The following MARCHF10 variants were observed in gnomAD, a reference collection of about 807,000 sequenced individuals.
MARCHF10 encodes membrane associated ring-CH-type finger 10, also known as probable E3 ubiquitin-protein ligase MARCHF10.
A neutral mutation model predicts 76.2 loss-of-function variants in MARCHF10; 64 were observed. The ratio of observed to expected loss-of-function variants is 0.84; its 90% CI spans 0.69 to 1.03. The LOEUF (loss-of-function observed/expected upper bound fraction) is 1.03, where lower values mean the gene tolerates loss of function less well. MARCHF10 is among the 50% of genes least tolerant of loss of function. The probability of loss-of-function intolerance (pLI) is 0.00; values close to 1 mark genes in which losing one functional copy is unlikely to be tolerated. For missense variants in MARCHF10, 875 were observed against 958.0 expected (o/e 0.91, Z 1.14); for synonymous variants, 340 against 357.5 (o/e 0.95, Z 0.55).
chr17:62,773,562 G>C (rs933859017), intron 3 of MARCHF10, among the ~76,000 whole-genome samples: 10 of 152,174 alleles, frequency 6.6e-5, no homozygotes, highest in Non-Finnish European at 1.5e-4. Flanking sequence ...AGAGATCTCA[G>C]ATCACAATTA....
Position 62,780,611 on chromosome 17 carries a change from C to T in MARCHF10, c.210+7869G>A, listed in dbSNP as rs140963622. On this transcript the variant is annotated intron_variant, in intron 3 of 10. Coordinates refer to ENST00000311269, the MANE Select transcript of MARCHF10 (RefSeq NM_152598.4). ...ACCTGGAATCTAAATATTTAGCACT[C>T]GGTTGCCACCAGTGAAAGGACTAGA... is the stretch of plus-strand genomic sequence containing the variant. Among the ~76,000 whole-genome samples, 919 of 152,280 alleles carry T rather than the reference C, an allele frequency of 6.0e-3. 5 individuals are homozygous for T. Among genetic ancestry groups the T allele is most frequent in the Middle Eastern group, 0.024 (7 of 294 alleles).
At chr17:62,759,737 C>T (rs2092143426) in intron 4 of MARCHF10, 98 bp downstream of exon 4, 1 of 1,268,374 alleles carries the variant, frequency 7.9e-7, no homozygotes, top group Non-Finnish European at 1.1e-6. Flanking sequence ...TCTCAAAGTG[C>T]TGGGATTACA....
chr17:62,750,085 C>T (rs1006741246), intron 4 of MARCHF10: 9 of 153,134 alleles, frequency 5.9e-5, no homozygotes, highest in African/African-American at 1.9e-4. Context: ...AACACCACGC[C>T]GCCTGGTATT....
At chr17:62,744,088 C>T (rs1156691206) in intron 5 of MARCHF10, among the ~76,000 whole-genome samples, 1 of 152,128 alleles carries the variant, frequency 6.6e-6, no homozygotes, top group African/African-American at 2.4e-5. Context: ...AGCAGCTGTA[C>T]AGCTGGTGTC....
At position 62,744,396 on chromosome 17, in the gene MARCHF10, AC is replaced by A; in HGVS notation, c.514del (p.Val172CysfsTer10). 1 of 1,613,956 alleles carries A rather than the reference AC, an allele frequency of 6.2e-7. No homozygotes were observed. Among genetic ancestry groups the A allele is most frequent in the Non-Finnish European group, 8.5e-7 (1 of 1,179,986 alleles). On this transcript the variant is annotated frameshift_variant, in exon 5 of 11. Transcript: ENST00000311269. LOFTEE classifies it high-confidence loss of function. ...CTTACCTGCTCCCCTGGGAACCGGC[AC>A]CTTTGCAGGCCACTGCTGTTTCTGT... ...SRQKQQWPAK[V>X]PVPRGADQVV...
chr17:62,739,746 G>A (rs1364998209), intron 5 of MARCHF10, among the ~76,000 whole-genome samples: 1 of 152,112 alleles, frequency 6.6e-6, no homozygotes, highest in Non-Finnish European at 1.5e-5. Context: ...CGCTGGAACC[G>A]GAATCTTCCG....
intron 7 of MARCHF10, 125 bp downstream of exon 7, chr17:62,724,813 C>T (rs572146628): frequency 2.3e-5 from 23 of 988,088 alleles, no homozygotes; most frequent in African/African-American, 3.4e-5. Flanking sequence ...AGCTCAGCCA[C>T]GTGTCCCTGA....
intron 4 of MARCHF10, among the ~76,000 whole-genome samples, chr17:62,748,393 G>A (rs1270992208): frequency 6.8e-6 from 1 of 146,814 alleles, no homozygotes; most frequent in Non-Finnish European, 1.5e-5. Flanking sequence ...GACAGTGCAA[G>A]GCTCCATCTC....
chr17:62,718,058 G>A (rs921464013), intron 8 of MARCHF10, among the ~76,000 whole-genome samples: 8 of 152,318 alleles, frequency 5.3e-5, no homozygotes, highest in South Asian at 4.1e-4. Flanking sequence ...CTCTGTGGCT[G>A]TAATCTGACA....
rs891701478 is a variant in MARCHF10, at chr17:62,738,099, C to CACACAA, written c.536-768_536-767insTTGTGT. Among the ~76,000 whole-genome samples the CACACAA allele has an allele frequency of 6.6e-6, 1 of 151,142 alleles. No homozygotes were observed. The highest frequency in any genetic ancestry group is 1.5e-5 in the Non-Finnish European group (1 of 67,776). ...ACACACACACACACACACACACACA[C>CACACAA]AACTTAAGCCTCACAACCCTGTGAA... On this transcript the variant is annotated intron_variant, in intron 5 of 10. Coordinates refer to ENST00000311269, the MANE Select transcript of MARCHF10 (RefSeq NM_152598.4). This position sits in a 1 kb window ranked among gnomAD's most constrained non-coding sequence, Gnocchi z 4.0.
intron 10 of MARCHF10, chr17:62,705,302 G>T (rs2089508541): frequency 1.4e-6 from 2 of 1,448,688 alleles, no homozygotes; most frequent in East Asian, 5.1e-5. Flanking sequence ...TCCCTTTGTT[G>T]GCGCCTTTCC....
chr17:62,701,634 G>GGAGT lies in MARCHF10; in HGVS notation c.*68_*69insACTC, dbSNP rs1220647168. On this transcript the variant is annotated 3_prime_UTR_variant, in exon 11 of 11. Transcript: ENST00000311269. ...TCAGTAAAGAGGAGGAGGGAGGGAG[G>GGAGT]CACTTGGGGACGTAGAAAGAAGGGC... The GGAGT allele has an allele frequency of 3.1e-6, 5 of 1,611,472 alleles. No homozygotes were observed. The highest frequency in any genetic ancestry group is 4.2e-6 in the Non-Finnish European group (5 of 1,179,338).
rs1415042910 is a variant in MARCHF10 at position 62,737,975 on chromosome 17, G to GC, written c.536-644dup. The GC allele has an allele frequency of 2.6e-5, 4 of 152,132 alleles. No homozygotes were observed. In the East Asian group the frequency reaches 7.7e-4, roughly 29 times the overall value. The allele number at this position is 152,132 out of a possible 1,614,324, so 9.4% of individuals were successfully genotyped here. The stretch of plus-strand genomic sequence containing the variant: ...CAGGTCAATTCTGTAACTTCTGGCT[G>GC]CCCTAGAATCCCTACTATGAATTCC... On this transcript the variant is annotated intron_variant, in intron 5 of 10. Coordinates refer to ENST00000311269, the MANE Select transcript of MARCHF10 (RefSeq NM_152598.4).
intron 5 of MARCHF10, among the ~76,000 whole-genome samples, chr17:62,744,046 C>A (rs1021663846): frequency 1.3e-5 from 2 of 152,106 alleles, no homozygotes; most frequent in Non-Finnish European, 2.9e-5. Context: ...ATCTACCACC[C>A]AAATGCCATC....
intron 4 of MARCHF10, chr17:62,750,075 A>G (rs2091844296): frequency 6.6e-6 from 1 of 152,566 alleles, no homozygotes; most frequent in Admixed American, 6.5e-5. Context: ...TGCTCCCCCG[A>G]ACACCACGCC....
chr17:62,794,623 T>A (rs932110947), intron 2 of MARCHF10, among the ~76,000 whole-genome samples: 1 of 152,202 alleles, frequency 6.6e-6, no homozygotes, highest in African/African-American at 2.4e-5. Flanking sequence ...TCCTTTTGTT[T>A]CTTTCATTAT....
At position 62,759,826 on chromosome 17, in the gene MARCHF10, G is replaced by T; in HGVS notation, c.382+9C>A. ...AGATCTGATGAATTTCAATAAGCCA[G>T]CCACTCACCTGGAGAGGGTTCGCTG... On this transcript the variant is annotated intron_variant, in intron 4 of 10. Transcript: ENST00000311269. The T allele has an allele frequency of 1.9e-6, 3 of 1,610,222 alleles. No individual in the cohort carries two copies. The highest frequency in any genetic ancestry group is 2.5e-6 in the Non-Finnish European group (3 of 1,178,432).
intron 3 of MARCHF10, among the ~76,000 whole-genome samples, chr17:62,782,943 A>G (rs375889055): frequency 8.5e-5 from 13 of 152,158 alleles, no homozygotes; most frequent in African/African-American, 3.1e-4. Context: ...CCCAAAGAAT[A>G]TCTCTAATGC....
chr17:62,802,465 T>C (rs546261058), intron 1 of MARCHF10, among the ~76,000 whole-genome samples: 2 of 152,192 alleles, frequency 1.3e-5, no homozygotes, highest in African/African-American at 4.8e-5. Flanking sequence ...GGTGATTCAC[T>C]CGCCTCAGCC....
Sources: allele counts gnomAD v4.1 joint callset (sites outside exome capture counted in the v4.1 genomes callset), GRCh38; gene constraint gnomAD v4.1.1; non-coding constraint Gnocchi (gnomAD v3.1); transcripts MANE v1.5; gene names NCBI Gene and HGNC (gene_info 2026-07-23, HGNC 2026-07-21).